The following PCDHGA7 variants were observed in gnomAD, a reference collection of about 807,000 sequenced individuals.
PCDHGA7 encodes the protein protocadherin gamma subfamily A, 7, also known as protocadherin gamma-A7.
In PCDHGA7, 44 loss-of-function variants were observed where a neutral mutation model predicts 58.3. The ratio of observed to expected loss-of-function variants is 0.75; its 90% CI spans 0.59 to 0.97. The LOEUF is 0.97. Ranked by LOEUF, PCDHGA7 falls within the 50% of genes least tolerant of loss-of-function variation. The pLI is 0.00. For synonymous variants in PCDHGA7, 516 were observed against 504.2 expected (o/e 1.02, Z -0.31); for missense variants, 1,266 against 1,188.7 (o/e 1.06, Z -0.96).
At chr5:141,400,539 T>C (rs1339848826) in intron 1 of PCDHGA7, 7 of 1,613,782 alleles carry the variant, frequency 4.3e-6, no homozygotes, top group African/African-American at 4.0e-5. Context: ...GTTTCATTTA[T>C]GTCTATTCTT....
chr5:141,402,108 A>T (rs2094226699), intron 1 of PCDHGA7, among the ~76,000 whole-genome samples: 1 of 152,218 alleles, frequency 6.6e-6, no homozygotes, highest in African/African-American at 2.4e-5. Context: ...CAATTACAAA[A>T]ATGTGAAAAT....
intron 1 of PCDHGA7, among the ~76,000 whole-genome samples, chr5:141,402,646 G>A (rs2094289569): frequency 6.6e-6 from 1 of 152,198 alleles, no homozygotes; most frequent in South Asian, 2.1e-4. Context: ...ATCATAATTA[G>A]AAGAGAGTAG....
chr5:141,485,247 G>T lies in PCDHGA7; in HGVS notation c.2425-9560G>T. On this transcript the variant is annotated intron_variant, in intron 1 of 3. Coordinates refer to ENST00000518325, the MANE Select transcript of PCDHGA7 (RefSeq NM_018920.4). The surrounding 1 kb of genome is among the most constrained non-coding windows in gnomAD (Gnocchi z 5.7). ...CTTTTGTTCCTCTTTTACCACCTGG[G>T]TTACGTTTGTGGGCAGATCCGCTAC... The T allele has an allele frequency of 2.5e-6, 4 of 1,614,156 alleles. No individual in the cohort carries two copies. The highest frequency in any genetic ancestry group is 3.4e-6 in the Non-Finnish European group (4 of 1,180,010).
intron 1 of PCDHGA7, among the ~76,000 whole-genome samples, chr5:141,448,573 AT>A (rs976781630): frequency 1.3e-5 from 2 of 151,652 alleles, no homozygotes; most frequent in East Asian, 1.9e-4. Flanking sequence ...TTATTTCCCC[AT>A]TTTTTTTACA....
intron 1 of PCDHGA7, chr5:141,418,737 C>G (rs768683069): frequency 6.2e-7 from 1 of 1,613,842 alleles, no homozygotes; most frequent in African/African-American, 1.3e-5. Context: ...CACGTGTTCT[C>G]TCTGGATTAC....
chr5:141,401,353 AAGG>A (rs772220375), intron 1 of PCDHGA7, among the ~76,000 whole-genome samples: 7 of 152,166 alleles, frequency 4.6e-5, no homozygotes, highest in African/African-American at 7.2e-5. Flanking sequence ...AAAAAAAAGG[AAGG>A]AGAAGGAGAG....
intron 1 of PCDHGA7, chr5:141,439,900 A>G (rs562278732): frequency 6.6e-5 from 10 of 152,362 alleles, no homozygotes; most frequent in African/African-American, 2.2e-4. Flanking sequence ...CAAGGCGACT[A>G]CTGCCTCCTT....
intron 1 of PCDHGA7, chr5:141,427,310 C>A (rs989300491): frequency 2.2e-5 from 10 of 456,738 alleles, no homozygotes; most frequent in African/African-American, 1.8e-4. Flanking sequence ...ATGACAATGC[C>A]CCAGACGTGG....
Position 141,399,408 on chromosome 5 carries a change from C to G in PCDHGA7, c.2424+14085C>G, listed in dbSNP as rs373563586. On this transcript the variant is annotated intron_variant, in intron 1 of 3. Coordinates refer to ENST00000518325, the MANE Select transcript of PCDHGA7 (RefSeq NM_018920.4). ...CAGCCACAGACAGGGGCAAGCCGCC[C>G]CTCTCCTCCAGCATAAGCGTCATCC... 20 of 1,613,888 alleles carry G rather than the reference C, an allele frequency of 1.2e-5. No individual in the cohort carries two copies. In the East Asian group the frequency reaches 3.8e-4, roughly 31 times the overall value.
At chr5:141,418,743 A>G in intron 1 of PCDHGA7, 5 of 1,613,954 alleles carry the variant, frequency 3.1e-6, no homozygotes, top group African/African-American at 1.3e-5. Context: ...TTCTCTCTGG[A>G]TTACACTACA....
Position 141,487,691 on chromosome 5 carries a change from A to T in PCDHGA7, c.2425-7116A>T. On this transcript the variant is annotated intron_variant, in intron 1 of 3. Transcript: ENST00000518325. The surrounding 1 kb of genome is among the most constrained non-coding windows in gnomAD (Gnocchi z 5.0). ...CATATGGCTAGGCCATGTCCTAGAG[A>T]GTACTGGCCTCTCAGTAAGTGCCCA... 6.2e-7 allele frequency: 1 copy of T among 1,604,122 alleles called. No individual in the cohort carries two copies. The highest frequency in any genetic ancestry group is 8.5e-7 in the Non-Finnish European group (1 of 1,174,384).
Position 141,489,398 on chromosome 5 carries a change from G to A in PCDHGA7, c.2425-5409G>A, listed in dbSNP as rs2099686644. On this transcript the variant is annotated intron_variant, in intron 1 of 3. Transcript: ENST00000518325. This position sits in a 1 kb window ranked among gnomAD's most constrained non-coding sequence, Gnocchi z 4.5. The stretch of plus-strand genomic sequence containing the variant: ...GTGGGGAATGTTGCTCAGGATCTGG[G>A]CTTAAAGATGACAGATCTGTTGAGC... 6.2e-7 allele frequency: 1 copy of A among 1,614,064 alleles called. No homozygotes were observed. The highest frequency in any genetic ancestry group is 1.3e-5 in the African/African-American group (1 of 74,910).
intron 1 of PCDHGA7, among the ~76,000 whole-genome samples, chr5:141,466,292 T>C (rs1050311680): frequency 3.3e-5 from 5 of 152,134 alleles, no homozygotes; most frequent in Non-Finnish European, 5.9e-5. Context: ...CACCTCAGGC[T>C]CCCAAGTAGC....
chr5:141,385,411 G>A, intron 1 of PCDHGA7, 88 bp downstream of exon 1: 1 of 1,474,668 alleles, frequency 6.8e-7, no homozygotes, highest in East Asian at 2.4e-5. Context: ...TTTGAAAATA[G>A]GGATTTAAAA....
At chr5:141,495,095 G>C (rs67264863) in intron 2 of PCDHGA7, among the ~76,000 whole-genome samples, 9,751 of 152,126 alleles carry the variant, frequency 0.064, 363 homozygotes, top group South Asian at 0.11. Context: ...TTCCCTCCTC[G>C]CCACGACCGG....
Position 141,433,407 on chromosome 5 carries a change from T to C in PCDHGA7, c.2424+48084T>C, listed in dbSNP as rs939103465. Among the ~76,000 whole-genome samples, 537 of 125,956 alleles carry C rather than the reference T, an allele frequency of 4.3e-3. 4 individuals carry two copies. Among genetic ancestry groups the C allele is most frequent in the African/African-American group, 0.016 (523 of 33,156 alleles). The allele number at this position is 125,956 out of a possible 152,430, so 82.6% of individuals were successfully genotyped here. On this transcript the variant is annotated intron_variant, in intron 1 of 3. Coordinates refer to ENST00000518325, the MANE Select transcript of PCDHGA7 (RefSeq NM_018920.4). ...TCTATCTATCTATCTATCTATCTATTACTTTCTTGTACAGACAGGAGTCTC... is the reference window on the plus strand; with the variant it reads ...TCTATCTATCTATCTATCTATCTATCACTTTCTTGTACAGACAGGAGTCTC...
chr5:141,398,286 C>T (rs1338652897), intron 1 of PCDHGA7: 1 of 1,395,846 alleles, frequency 7.2e-7, no homozygotes, highest in South Asian at 1.3e-5. Context: ...TCGCCACGGA[C>T]CTGGGGTTCA....
At chr5:141,428,882 T>C in intron 1 of PCDHGA7, 1 of 151,216 alleles carries the variant, frequency 6.6e-6, no homozygotes, top group African/African-American at 2.4e-5. Context: ...TTGGACGGAG[T>C]CTCGCTCTGT....
intron 1 of PCDHGA7, among the ~76,000 whole-genome samples, chr5:141,456,381 G>T (rs1296419395): frequency 6.6e-6 from 1 of 152,110 alleles, no homozygotes; most frequent in Admixed American, 6.6e-5. Context: ...TTACAGCACC[G>T]TTTGGAGTTT....
Sources: allele counts gnomAD v4.1 joint callset (sites outside exome capture counted in the v4.1 genomes callset), GRCh38; gene constraint gnomAD v4.1.1; non-coding constraint Gnocchi (gnomAD v3.1); transcripts MANE v1.5; gene names NCBI Gene and HGNC (gene_info 2026-07-23, HGNC 2026-07-21).